The following AADACL2 variants were observed in gnomAD, a reference collection of about 807,000 sequenced individuals.
The protein encoded by AADACL2 is arylacetamide deacetylase like 2.
A neutral mutation model predicts 22.3 loss-of-function variants in AADACL2; 23 were observed. The ratio of observed to expected loss-of-function variants is 1.03; its 90% CI spans 0.74 to 1.46. The LOEUF is 1.46. Among genes scored for constraint, AADACL2 ranks in the 40% most tolerant of loss-of-function variants. The pLI is 0.00. For synonymous variants in AADACL2, 177 were observed against 166.2 expected (o/e 1.07, Z -0.50); for missense variants, 472 against 482.9 (o/e 0.98, Z 0.21).
intron 2 of AADACL2, among the ~76,000 whole-genome samples, chr3:151,743,433 G>C (rs1713342005): frequency 6.6e-6 from 1 of 152,134 alleles, no homozygotes; most frequent in South Asian, 2.1e-4. Context: ...ATGTGTGTGT[G>C]TGTGTTATGT....
chr3:151,757,759 A>G lies in AADACL2; in HGVS notation c.*165A>G. The G allele has an allele frequency of 1.4e-6, 1 of 740,512 alleles. No individual in the cohort carries two copies. Among genetic ancestry groups the G allele is most frequent in the Non-Finnish European group, 2.1e-6 (1 of 487,400 alleles). The allele number at this position is 740,512 out of a possible 1,614,324, so 45.9% of individuals were successfully genotyped here. On this transcript the variant is annotated 3_prime_UTR_variant, in exon 5 of 5. Coordinates refer to ENST00000356517, the MANE Select transcript of AADACL2 (RefSeq NM_207365.4). The stretch of plus-strand genomic sequence containing the variant: ...AGAGTTATTAAATTTTCTGACTTGC[A>G]GACCCTGAATATGTAAAATGTATGT...
chr3:151,754,050 T>C (rs1037586294), intron 4 of AADACL2, among the ~76,000 whole-genome samples: 5 of 152,150 alleles, frequency 3.3e-5, no homozygotes, highest in African/African-American at 1.2e-4. Context: ...CCATGGCAGA[T>C]TACTGCTTTG....
rs1381485452 is a variant in AADACL2 at position 151,761,204 on chromosome 3, G to GAGATATATAT, written c.*3611_*3612insGATATATATA. The GAGATATATAT allele has an allele frequency of 1.2e-5, 1 of 85,452 alleles. No individual in the cohort carries two copies. The highest frequency in any genetic ancestry group is 4.0e-5 in the African/African-American group (1 of 24,906). 5.3% of individuals were successfully genotyped at this position (85,452 alleles called of 1,614,324 possible). A position where few individuals can be genotyped will look rare whatever the true frequency, so the allele number is the denominator to read the frequency against. ...ATATGGTGAGATATATACATATTGT[G>GAGATATATAT]ATATATATATATATATATATATATA... is the stretch of plus-strand genomic sequence containing the variant. On this transcript the variant is annotated 3_prime_UTR_variant, in exon 5 of 5. Coordinates refer to ENST00000356517, the MANE Select transcript of AADACL2 (RefSeq NM_207365.4).
At position 151,757,268 on chromosome 3, in the gene AADACL2, G is replaced by T. The variant is rs766584533; in HGVS notation, c.880G>T (p.Asp294Tyr). Residue 294 changes from aspartate (D) to tyrosine (Y), a missense_variant, in exon 5 of 5, where the codon GAC becomes TAC. Asp to Tyr is a radical substitution (Grantham distance 160). Coordinates refer to ENST00000356517, the MANE Select transcript of AADACL2 (RefSeq NM_207365.4). ...SILLPEKYRK[D>Y]YVYTEPILGG... ...TCTTCTTCCTGAGAAGTATAGAAAA[G>T]ACTATGTATATACTGAACCAATTCT... The T allele has an allele frequency of 6.2e-7, 1 of 1,613,698 alleles. No individual in the cohort carries two copies. The highest frequency in any genetic ancestry group is 1.1e-5 in the South Asian group (1 of 91,050).
intron 4 of AADACL2, among the ~76,000 whole-genome samples, chr3:151,755,586 C>G (rs1325447416): frequency 6.6e-6 from 1 of 152,062 alleles, no homozygotes; most frequent in African/African-American, 2.4e-5. Flanking sequence ...AGAGAACTGA[C>G]TTTAGCATGG....
chr3:151,745,759 C>T, intron 4 of AADACL2, 79 bp downstream of exon 4: 1 of 1,412,910 alleles, frequency 7.1e-7, no homozygotes, highest in Non-Finnish European at 9.5e-7. Context: ...GTTCTTCCCC[C>T]ACCATTTGTT....
intron 4 of AADACL2, among the ~76,000 whole-genome samples, chr3:151,747,988 G>T (rs1713515225): frequency 6.6e-6 from 1 of 151,932 alleles, no homozygotes; most frequent in Non-Finnish European, 1.5e-5. Flanking sequence ...CCATTTAGTT[G>T]AATTCTTTAT....
chr3:151,756,918 C>T, intron 4 of AADACL2, 74 bp from the exon 5 acceptor site: 1 of 1,400,944 alleles, frequency 7.1e-7, no homozygotes, highest in East Asian at 2.3e-5. Flanking sequence ...CTTATGACTG[C>T]TAGATAATTA....
At chr3:151,753,686 T>C (rs768353807) in intron 4 of AADACL2, among the ~76,000 whole-genome samples, 1 of 152,150 alleles carries the variant, frequency 6.6e-6, no homozygotes, top group Non-Finnish European at 1.5e-5. Context: ...ATACTTACCA[T>C]TAGCAATGTA....
At chr3:151,753,458 G>A (rs953275775) in intron 4 of AADACL2, among the ~76,000 whole-genome samples, 11 of 152,134 alleles carry the variant, frequency 7.2e-5, no homozygotes, top group Admixed American at 5.9e-4. Context: ...TGGAACATGC[G>A]TGCTAGGATG....
intron 4 of AADACL2, 38 bp downstream of exon 4, chr3:151,745,718 T>A (rs1713422843): frequency 6.5e-7 from 1 of 1,536,416 alleles, no homozygotes; most frequent in Non-Finnish European, 8.7e-7. Flanking sequence ...AGGCAGAAAT[T>A]GAGGCTCATT....
At position 151,753,835 on chromosome 3, in the gene AADACL2, T is replaced by A. The variant is rs1019891063; in HGVS notation, c.604-3157T>A. On this transcript the variant is annotated intron_variant, in intron 4 of 4. Transcript: ENST00000356517. Reference sequence around the variant, plus strand: ...CAGGGAGCTAGATGGTAGGGTATCTTGTGAACAAGTAACTGGATTGAGAAG... The same window carrying A: ...CAGGGAGCTAGATGGTAGGGTATCTAGTGAACAAGTAACTGGATTGAGAAG... Among the ~76,000 whole-genome samples the A allele has an allele frequency of 5.9e-5, 9 of 152,244 alleles. No homozygotes were observed. The East Asian group carries it at 1.7e-3, about 29-fold the overall frequency.
intron 2 of AADACL2, among the ~76,000 whole-genome samples, chr3:151,742,602 A>T (rs12485489): frequency 0.32 from 48,616 of 151,770 alleles, 8,062 homozygotes; most frequent in East Asian, 0.55. Context: ...CTGATAAAGA[A>T]ACCCAAATTA....
chr3:151,749,215 T>C (rs1261326260), intron 4 of AADACL2, among the ~76,000 whole-genome samples: 2 of 152,176 alleles, frequency 1.3e-5, no homozygotes, highest in Admixed American at 6.5e-5. Context: ...TTCATTAATA[T>C]TTTATAGCTT....
At chr3:151,745,909 GTTC>G (rs1199745701) in intron 4 of AADACL2, among the ~76,000 whole-genome samples, 1 of 151,578 alleles carries the variant, frequency 6.6e-6, no homozygotes, top group Non-Finnish European at 1.5e-5. Flanking sequence ...GACTTCAACT[GTTC>G]TTCTTTAAAA....
chr3:151,735,203 C>A (rs572525555), intron 1 of AADACL2, among the ~76,000 whole-genome samples: 75 of 152,294 alleles, frequency 4.9e-4, no homozygotes, highest in South Asian at 8.3e-4. Context: ...AAGCAAGTGT[C>A]ACTTCCACAG....
chr3:151,741,227 A>G (rs1713271219), intron 2 of AADACL2, among the ~76,000 whole-genome samples: 3 of 152,220 alleles, frequency 2.0e-5, no homozygotes, highest in African/African-American at 4.8e-5. Flanking sequence ...GTTTTAATTA[A>G]CAAGTCAAAA....
At chr3:151,734,505 A>G (rs1403920904) in intron 1 of AADACL2, among the ~76,000 whole-genome samples, 2 of 152,142 alleles carry the variant, frequency 1.3e-5, no homozygotes, top group Non-Finnish European at 2.9e-5. Context: ...ACTTTCAGGG[A>G]CAACCTAGTC....
rs1713727829 is a variant in AADACL2, at chr3:151,753,001, C to G, written c.604-3991C>G. Among the ~76,000 whole-genome samples the G allele has an allele frequency of 2.6e-5, 4 of 152,154 alleles. No homozygotes were observed. The South Asian group carries it at 8.3e-4, about 32-fold the overall frequency. On this transcript the variant is annotated intron_variant, in intron 4 of 4. Coordinates refer to ENST00000356517, the MANE Select transcript of AADACL2 (RefSeq NM_207365.4). ...GACACTTCTTTAAAAATATAAAAAA[C>G]TCTTTAAAAACAGTTTAATAGCAAA...
Sources: gnomAD v4.1 joint callset for allele counts (sites outside exome capture counted in the v4.1 genomes callset) on GRCh38, gnomAD v4.1.1 for gene constraint, MANE v1.5 for transcripts, NCBI Gene and HGNC (gene_info 2026-07-23, HGNC 2026-07-21) for gene names.